The following PRKAG3 variants were observed in gnomAD, a reference collection of about 807,000 sequenced individuals.
PRKAG3 encodes protein kinase AMP-activated non-catalytic subunit gamma 3.
In PRKAG3, 39 loss-of-function variants were observed where a neutral mutation model predicts 56.5. The observed-to-expected ratio is 0.69, with a 90% CI of 0.53 to 0.90. PRKAG3 has a LOEUF of 0.90. PRKAG3 is among the 40% of genes least tolerant of loss of function. The pLI is 0.00. For missense variants in PRKAG3, 628 were observed against 627.5 expected (o/e 1.00, Z -0.01); for synonymous variants, 243 against 250.1 (o/e 0.97, Z 0.27).
rs371228897 is a variant in PRKAG3 at position 218,827,124 on chromosome 2, G to A, written c.1003-31C>T. 5.1e-5 allele frequency: 82 copies of A among 1,612,678 alleles called. No homozygotes were observed. The highest frequency in any genetic ancestry group is 6.6e-5 in the Non-Finnish European group (78 of 1,180,000). ...TAGGATGGGGACCAGGTGGAGATCA[G>A]GGATCCAGCAGCTTCAAGAGGGCTC... On this transcript the variant is annotated intron_variant, in intron 9 of 12. Coordinates refer to ENST00000529249, the Ensembl canonical transcript of PRKAG3. This position sits in a 1 kb window ranked among gnomAD's most constrained non-coding sequence, Gnocchi z 5.3.
intron 12 of PRKAG3, 101 bp downstream of exon 12, chr2:218,824,121 G>A: frequency 6.3e-7 from 1 of 1,579,660 alleles, no homozygotes; most frequent in Non-Finnish European, 8.7e-7. Context: ...TCATGAAATG[G>A]AAGGATAGGC....
intron 12 of PRKAG3, 40 bp downstream of exon 12, chr2:218,824,182 G>A (rs1428393079): frequency 6.2e-7 from 1 of 1,613,806 alleles, no homozygotes; most frequent in Non-Finnish European, 8.5e-7. Context: ...GAAGGACTGG[G>A]CTATATGTGT....
Position 218,829,496 on chromosome 2 carries a change from A to T in PRKAG3, c.633+482T>A, listed in dbSNP as rs537108900. Among the ~76,000 whole-genome samples the T allele has an allele frequency of 7.5e-3, 1,082 of 144,328 alleles. 16 individuals carry two copies. Among genetic ancestry groups the T allele is most frequent in the African/African-American group, 0.026 (1,031 of 39,378 alleles). 94.7% of individuals were successfully genotyped at this position (144,328 alleles called of 152,430 possible). A position where few individuals can be genotyped will look rare whatever the true frequency, so the allele number is the denominator to read the frequency against. On this transcript the variant is annotated intron_variant, in intron 4 of 12. Coordinates refer to ENST00000529249, the Ensembl canonical transcript of PRKAG3. ...CCACCACGGCCGGCTAATTTTTTGT[A>T]TTTTTTTTTTTAGTAGAGATGGGGT...
Position 218,827,170 on chromosome 2 carries a change from C to G in PRKAG3, c.1002+77G>C. The G allele has an allele frequency of 6.2e-7, 1 of 1,613,174 alleles. No individual in the cohort carries two copies. Among genetic ancestry groups the G allele is most frequent in the Non-Finnish European group, 8.5e-7 (1 of 1,179,706 alleles). On this transcript the variant is annotated intron_variant, in intron 9 of 12. Coordinates refer to ENST00000529249, the Ensembl canonical transcript of PRKAG3. The surrounding 1 kb of genome is among the most constrained non-coding windows in gnomAD (Gnocchi z 5.3). ...GGCTCCCAGCTCTTCCCCACGACTG[C>G]TAGGGCTGAAGACTCCTCAGGCCCT... is the stretch of plus-strand genomic sequence containing the variant.
intron 4 of PRKAG3, 36 bp from the exon 5 acceptor site, chr2:218,828,636 C>T (rs371066224): frequency 1.6e-4 from 246 of 1,575,022 alleles, no homozygotes; most frequent in Non-Finnish European, 2.0e-4. Flanking sequence ...GGGTGGGTCC[C>T]GAGAGACCCT....
downstream of PRKAG3, chr2:218,823,130 T>C: frequency 2.3e-6 from 2 of 881,394 alleles, no homozygotes; most frequent in Non-Finnish European, 2.7e-6. Context: ...ACAGCGGCCT[T>C]TCCAACAGGG....
chr2:218,825,289 T>C (rs1208928555), intron 10 of PRKAG3, among the ~76,000 whole-genome samples: 2 of 149,680 alleles, frequency 1.3e-5, no homozygotes, highest in African/African-American at 5.0e-5. Flanking sequence ...TGAGCCAAGA[T>C]TGCACCATTG....
At chr2:218,823,407 T>C in exon 13 of PRKAG3, 1 of 336,256 alleles carries the variant, frequency 3.0e-6, no homozygotes, top group Non-Finnish European at 5.8e-6. Context: ...CCAGAGTGTC[T>C]GAAGTCACAT....
chr2:218,826,907 T>G, intron 10 of PRKAG3, 21 bp downstream of exon 10: 2 of 1,613,724 alleles, frequency 1.2e-6, no homozygotes, highest in Non-Finnish European at 1.7e-6. Context: ...AGCCCGAGCC[T>G]CTCATCCTGG....
rs979271642 is a variant in PRKAG3 at position 218,827,888 on chromosome 2, T to C, written c.775-10A>G. On this transcript the variant is annotated splice_polypyrimidine_tract_variant and intron_variant, in intron 6 of 12. Coordinates refer to ENST00000529249, the Ensembl canonical transcript of PRKAG3. The surrounding 1 kb of genome is among the most constrained non-coding windows in gnomAD (Gnocchi z 5.3). ...TCTCATAGATCTGGACCTAGAGACA[T>C]CGACAGGACTCCAGAAGTCAGAAAG... 6.2e-7 allele frequency: 1 copy of C among 1,614,012 alleles called. No homozygotes were observed. The highest frequency in any genetic ancestry group is 1.6e-4 in the Middle Eastern group (1 of 6,062).
chr2:218,823,020 C>G, downstream of PRKAG3: 8 of 984,798 alleles, frequency 8.1e-6, no homozygotes, highest in Non-Finnish European at 8.4e-6. Context: ...CTGGGCATGC[C>G]CGAGGGCTTC....
chr2:218,823,974 A>C, intron 12 of PRKAG3, 96 bp from the exon 13 acceptor site: 2 of 1,323,050 alleles, frequency 1.5e-6, no homozygotes, highest in East Asian at 2.3e-5. Context: ...ACCCAACATG[A>C]CTGAGGGAGA....
chr2:218,831,038 C>T, intron 2 of PRKAG3, 137 bp from the exon 3 acceptor site: 1 of 1,142,748 alleles, frequency 8.8e-7, no homozygotes, highest in Non-Finnish European at 1.3e-6. Context: ...AAACTTACAG[C>T]AGCCTTATAA....
chr2:218,831,089 C>G (rs1944012903), intron 2 of PRKAG3, among the ~76,000 whole-genome samples, 188 bp from the exon 3 acceptor site: 1 of 152,062 alleles, frequency 6.6e-6, no homozygotes, highest in Non-Finnish European at 1.5e-5. Context: ...AGTGAGGGAC[C>G]AGAAATTCAG....
At chr2:218,831,557 C>T (rs1323277985) in intron 1 of PRKAG3, among the ~76,000 whole-genome samples, 181 bp downstream of exon 1, 1 of 152,272 alleles carries the variant, frequency 6.6e-6, no homozygotes, top group Non-Finnish European at 1.5e-5. Flanking sequence ...CACTCCCAGG[C>T]ACACAGAACC....
At chr2:218,831,761 C>G in exon 1 of PRKAG3, 5 of 1,610,432 alleles carry the variant, frequency 3.1e-6, no homozygotes, top group Non-Finnish European at 4.2e-6. Context: ...TGCTCCAGCC[C>G]GGGCTCCATG....
rs563858121 is a variant in PRKAG3 at position 218,826,758 on chromosome 2, G to A, written c.1168+170C>T. 455 of 768,962 alleles carry A rather than the reference G, an allele frequency of 5.9e-4. 7 individuals are homozygous for A. The South Asian group carries it at 7.2e-3, about 12-fold the overall frequency. 47.6% of individuals were successfully genotyped at this position (768,962 alleles called of 1,614,324 possible). A position where few individuals can be genotyped will look rare whatever the true frequency, so the allele number is the denominator to read the frequency against. On this transcript the variant is annotated intron_variant, in intron 10 of 12. Coordinates refer to ENST00000529249, the Ensembl canonical transcript of PRKAG3. Reference sequence around the variant, plus strand: ...ACAAAGGAGGAAACTGAGGCACAGAGAGGCTAAGCAACTTGCCCAAGTCTC... The same window carrying A: ...ACAAAGGAGGAAACTGAGGCACAGAAAGGCTAAGCAACTTGCCCAAGTCTC...
In PRKAG3 at chr2:218,824,988, C is replaced by T. The variant is rs140758967; in HGVS notation, c.1169-412G>A. On this transcript the variant is annotated intron_variant, in intron 10 of 12. Transcript: ENST00000529249. ...TCATAACAATTTAGGGGGAATGGAG[C>T]TGTTATAGATTTAAAGAGATTTAAG... Among the ~76,000 whole-genome samples, 49 of 152,252 alleles carry T rather than the reference C, an allele frequency of 3.2e-4. 1 individual carries two copies. Among genetic ancestry groups the T allele is most frequent in the African/African-American group, 1.1e-3 (45 of 41,534 alleles).
chr2:218,828,176 C>G (rs956705931), intron 5 of PRKAG3, 114 bp from the exon 6 acceptor site: 1 of 1,062,262 alleles, frequency 9.4e-7, no homozygotes, highest in East Asian at 2.6e-5. Context: ...ACAGTGGGGA[C>G]TGTGGGAACA....
Sources: gnomAD v4.1 joint callset for allele counts (sites outside exome capture counted in the v4.1 genomes callset) on GRCh38, gnomAD v4.1.1 for gene constraint, Gnocchi (gnomAD v3.1) non-coding constraint, MANE v1.5 for transcripts, NCBI Gene and HGNC (gene_info 2026-07-23, HGNC 2026-07-21) for gene names.